The following CBR3 variants were observed in gnomAD, a reference collection of about 807,000 sequenced individuals.
CBR3 encodes carbonyl reductase [NADPH] 3.
CBR3 carries 14 observed loss-of-function variants against 11.6 expected under a neutral mutation model. The observed-to-expected ratio is 1.20, with a 90% CI of 0.79 to 1.88. The LOEUF is 1.88. CBR3 is among the 40% of genes most tolerant of loss of function. CBR3 has a pLI of 0.00. For missense variants in CBR3, 308 were observed against 357.3 expected, an observed-to-expected ratio of 0.86 and a Z score of 1.11; for synonymous variants, 125 against 145.6, an observed-to-expected ratio of 0.86 and a Z score of 1.02.
Position 36,146,314 on chromosome 21 carries a change from G to A in CBR3, c.636G>A (p.Leu212=), listed in dbSNP as rs1421108032. Residue 212 remains leucine, a synonymous_variant, in exon 3 of 3, where the codon CTG becomes CTA. Transcript: ENST00000290354. ...TVLSRILARR[L]DEKRKADRIL... is the part of the protein sequence containing the mutation. The stretch of plus-strand genomic sequence containing the variant: ...TATCGAGGATCCTGGCCAGGCGTCT[G>A]GATGAGAAGAGGAAAGCTGACAGGA... 1.2e-6 allele frequency: 2 copies of A among 1,614,064 alleles called. No homozygotes were observed. Among genetic ancestry groups the A allele is most frequent in the Non-Finnish European group, 1.7e-6 (2 of 1,180,038 alleles).
intron 1 of CBR3, among the ~76,000 whole-genome samples, chr21:36,136,159 G>A (rs952717962): frequency 3.8e-4 from 58 of 152,150 alleles, no homozygotes; most frequent in African/African-American, 1.2e-3. Context: ...AACTACTACT[G>A]AAGAAAATTA....
rs755251391 is a variant in CBR3 at position 36,146,315 on chromosome 21, G to T, written c.637G>T (p.Asp213Tyr). The T allele has an allele frequency of 6.2e-7, 1 of 1,614,192 alleles. No homozygotes were observed. Among genetic ancestry groups the T allele is most frequent in the Non-Finnish European group, 8.5e-7 (1 of 1,180,044 alleles). ...VLSRILARRL[D>Y]EKRKADRILV... ...ATCGAGGATCCTGGCCAGGCGTCTG[G>T]ATGAGAAGAGGAAAGCTGACAGGAT... The change falls in exon 3 of 3, where the codon GAT becomes TAT. Residue 213 changes from aspartate to tyrosine, a missense_variant. By Grantham distance (160) the Asp-to-Tyr change is radical. Transcript: ENST00000290354.
chr21:36,141,007 CAAAAAAAA>C (rs1217520274), intron 2 of CBR3, among the ~76,000 whole-genome samples: 4 of 56,226 alleles, frequency 7.1e-5, no homozygotes, highest in Admixed American at 4.8e-4. Flanking sequence ...CACTCCATCT[CAAAAAAAA>C]AAAAAAAAAA....
chr21:36,135,113 T>G lies in CBR3; in HGVS notation c.-80T>G. On this transcript the variant is annotated 5_prime_UTR_variant, in exon 1 of 3. Coordinates refer to ENST00000290354, the MANE Select transcript of CBR3 (RefSeq NM_001236.4). Reference sequence around the variant, plus strand: ...TCTGCGCGGCGGCATTGACACTAGCTGGGCTCCTCGGGGCGCGCCCCAGGT... The same window carrying G: ...TCTGCGCGGCGGCATTGACACTAGCGGGGCTCCTCGGGGCGCGCCCCAGGT... The G allele has an allele frequency of 1.5e-6, 2 of 1,338,560 alleles. No individual in the cohort carries two copies. Among genetic ancestry groups the G allele is most frequent in the Non-Finnish European group, 1.9e-6 (2 of 1,027,432 alleles). 82.9% of individuals were successfully genotyped at this position (1,338,560 alleles called of 1,614,324 possible).
At chr21:36,136,522 G>A (rs1165562659) in intron 1 of CBR3, among the ~76,000 whole-genome samples, 2 of 152,162 alleles carry the variant, frequency 1.3e-5, no homozygotes, top group African/African-American at 4.8e-5. Flanking sequence ...CTTTCTGAGA[G>A]CTGGGGTGCA....
chr21:36,138,103 T>TTTTAG (rs373138227), intron 2 of CBR3, among the ~76,000 whole-genome samples, 171 bp downstream of exon 2: 55,629 of 150,084 alleles, frequency 0.37, 10,434 homozygotes, highest in South Asian at 0.48. Context: ...CACTCCAACA[T>TTTTAG]TTTAGTTTAG....
At chr21:36,135,553 C>G in intron 1 of CBR3, 72 bp downstream of exon 1, 1 of 1,396,182 alleles carries the variant, frequency 7.2e-7, no homozygotes, top group South Asian at 1.4e-5. Flanking sequence ...CGCAGGCTCC[C>G]CACCCGTCCA....
At chr21:36,135,841 T>C (rs1234136522) in intron 1 of CBR3, among the ~76,000 whole-genome samples, 4 of 152,256 alleles carry the variant, frequency 2.6e-5, no homozygotes, top group Admixed American at 2.6e-4. Context: ...ACATTTTCTC[T>C]GCAAAGAAAC....
chr21:36,137,956 G>A lies in CBR3; in HGVS notation c.397+24G>A, dbSNP rs200897221. ...TGGTAAGCCCAACGTGTGGACAGTC[G>A]GGTTGCATCCCTCAGTAAGAAGTGG... On this transcript the variant is annotated intron_variant, in intron 2 of 2. Transcript: ENST00000290354. 1.5e-4 allele frequency: 196 copies of A among 1,295,498 alleles called. No individual in the cohort carries two copies. In the African/African-American group the frequency reaches 2.6e-3, roughly 17 times the overall value. The allele number at this position is 1,295,498 out of a possible 1,614,324, so 80.3% of individuals were successfully genotyped here.
At chr21:36,136,638 C>T (rs1211997360) in intron 1 of CBR3, among the ~76,000 whole-genome samples, 1 of 152,080 alleles carries the variant, frequency 6.6e-6, no homozygotes, top group Non-Finnish European at 1.5e-5. Flanking sequence ...TTCCCCTTGC[C>T]TTTCAAGGTA....
chr21:36,140,516 A>C (rs955737866), intron 2 of CBR3, among the ~76,000 whole-genome samples: 2 of 151,932 alleles, frequency 1.3e-5, no homozygotes, highest in African/African-American at 4.8e-5. Flanking sequence ...TCTTTTACCC[A>C]GTGTTGGGAA....
intron 2 of CBR3, chr21:36,141,832 T>A (rs1439052467): frequency 3.0e-6 from 2 of 670,560 alleles, no homozygotes; most frequent in Non-Finnish European, 3.7e-6. Context: ...GGACACCTCC[T>A]CCCCTTAAGA....
chr21:36,138,152 T>G (rs1028677108), intron 2 of CBR3: 1 of 456,598 alleles, frequency 2.2e-6, no homozygotes, highest in Non-Finnish European at 3.9e-6. Context: ...TGTTTGGCAG[T>G]GGGGTGGGTG....
At chr21:36,138,744 C>CTTTTTTTTTTTTT (rs751330163) in intron 2 of CBR3, 5 of 123,172 alleles carry the variant, frequency 4.1e-5, no homozygotes, top group Non-Finnish European at 6.8e-5. Flanking sequence ...TTTTTCTTTT[C>CTTTTTTTTTTTTT]TTTTTTTTTT....
chr21:36,145,333 GATT>G (rs1473541117), intron 2 of CBR3, among the ~76,000 whole-genome samples: 1 of 151,950 alleles, frequency 6.6e-6, no homozygotes, highest in African/African-American at 2.4e-5. Context: ...TTTTAAATTT[GATT>G]ATTACTTTTT....
In CBR3 at chr21:36,146,369, G is replaced by C. The variant is rs532469138; in HGVS notation, c.691G>C (p.Val231Leu). ...GGTGAATGCGTGCTGCCCAGGACCAGTGAAGACAGACATGGATGGGAAAGA... is the reference window on the plus strand; with the variant it reads ...GGTGAATGCGTGCTGCCCAGGACCACTGAAGACAGACATGGATGGGAAAGA... ...ILVNACCPGP[V>L]KTDMDGKDSI... is the part of the protein sequence containing the mutation. Residue 231 changes from valine to leucine, a missense_variant, in exon 3 of 3, where the codon GTG (valine) becomes CTG (leucine). Val to Leu is a conservative substitution (Grantham distance 32, BLOSUM62 1). Coordinates refer to ENST00000290354, the MANE Select transcript of CBR3 (RefSeq NM_001236.4). The C allele has an allele frequency of 9.3e-6, 15 of 1,614,092 alleles. No individual in the cohort carries two copies. Among genetic ancestry groups the C allele is most frequent in the Non-Finnish European group, 1.2e-5 (14 of 1,180,062 alleles).
At chr21:36,136,066 A>C (rs1039527671) in intron 1 of CBR3, among the ~76,000 whole-genome samples, 1 of 152,132 alleles carries the variant, frequency 6.6e-6, no homozygotes, top group Non-Finnish European at 1.5e-5. Flanking sequence ...CGGGGAGCTT[A>C]TGTTTGTTAT....
chr21:36,141,261 CAA>C (rs10624628), intron 2 of CBR3: 4,652 of 133,476 alleles, frequency 0.035, 186 homozygotes, highest in African/African-American at 0.1. Context: ...GTCCTTGTCT[CAA>C]AAAAAAAAAA....
intron 2 of CBR3, among the ~76,000 whole-genome samples, chr21:36,144,791 C>T (rs34340341): frequency 0.045 from 5,195 of 116,386 alleles, 141 homozygotes; most frequent in Non-Finnish European, 0.065. Flanking sequence ...AAACAAGACT[C>T]TGTCTCACAA....
Sources: gnomAD v4.1 joint callset for allele counts (sites outside exome capture counted in the v4.1 genomes callset) on GRCh38, gnomAD v4.1.1 for gene constraint, MANE v1.5 for transcripts, NCBI Gene and HGNC (gene_info 2026-07-23, HGNC 2026-07-21) for gene names.